LRRC9: variants seen among roughly 807,000 people sequenced by gnomAD.
LRRC9 encodes leucine-rich repeat-containing protein 9.
Under a neutral mutation model 63.2 loss-of-function variants are expected in LRRC9, and 122 were observed. The ratio of observed to expected loss-of-function variants is 1.93; its 90% CI spans 1.67 to 2.24. The LOEUF (loss-of-function observed/expected upper bound fraction) is 2.24. Ranked by LOEUF, LRRC9 falls within the 30% of genes most tolerant of loss-of-function variation. The pLI is 0.00. For synonymous variants in LRRC9, 366 were observed against 213.1 expected, an observed-to-expected ratio of 1.72 and a Z score of -6.25; for missense variants, 1,071 against 627.7, an observed-to-expected ratio of 1.71 and a Z score of -7.55.
At position 59,934,156 on chromosome 14, in the gene LRRC9, A is replaced by G. The variant is rs150915960; in HGVS notation, c.543+2117A>G. ...TAACAGAAAAAAAAAGAAAAAAAGA[A>G]GAGGAGGAGGAGGAAAGACGAGGAA... On this transcript the variant is annotated intron_variant, in intron 6 of 31. Transcript: ENST00000445360. Among the ~76,000 whole-genome samples the G allele has an allele frequency of 8.7e-4, 132 of 152,252 alleles. 1 individual carries two copies. Among genetic ancestry groups the G allele is most frequent in the African/African-American group, 3.1e-3 (127 of 41,554 alleles).
intron 7 of LRRC9, among the ~76,000 whole-genome samples, chr14:59,944,125 A>T (rs1815260280): frequency 6.6e-6 from 1 of 151,900 alleles, no homozygotes; most frequent in African/African-American, 2.4e-5. Flanking sequence ...ACATTCTTTT[A>T]TACATTTGAA....
rs538396556 is a variant in LRRC9 at position 60,038,322 on chromosome 14, T to C, written c.3990+6259T>C. ...GTGAAGAAAGTCGTTGGTAGCTTGA[T>C]GGGGATGGCATTGAATCTATAAATT... is the stretch of plus-strand genomic sequence containing the variant. On this transcript the variant is annotated intron_variant, in intron 29 of 31. Transcript: ENST00000445360. 2.6e-5 allele frequency among the ~76,000 whole-genome samples: 4 copies of C among 152,336 alleles called. No individual in the cohort carries two copies. The East Asian group carries it at 7.7e-4, about 29-fold the overall frequency.
intron 29 of LRRC9, among the ~76,000 whole-genome samples, chr14:60,049,257 T>C (rs971999464): frequency 6.6e-6 from 1 of 152,192 alleles, no homozygotes; most frequent in Non-Finnish European, 1.5e-5. Flanking sequence ...CATTTGCGTT[T>C]AAGGTTAGTA....
intron 27 of LRRC9, among the ~76,000 whole-genome samples, chr14:60,024,818 C>T (rs904481201): frequency 6.6e-6 from 1 of 151,484 alleles, no homozygotes; most frequent in Admixed American, 6.6e-5. Flanking sequence ...CAACCCTCAC[C>T]CCCCTCCCAT....
intron 31 of LRRC9, 61 bp from the exon 33 acceptor site, chr14:60,063,262 A>G (rs1894772518): frequency 4.4e-6 from 3 of 684,900 alleles, no homozygotes; most frequent in East Asian, 2.7e-5. Context: ...ACCTTAAGTT[A>G]GCTGATCCAT....
chr14:59,928,889 T>C (rs1027142723), intron 3 of LRRC9, among the ~76,000 whole-genome samples: 9 of 152,096 alleles, frequency 5.9e-5, no homozygotes, highest in African/African-American at 2.2e-4. Flanking sequence ...AGATTGAAAC[T>C]GTACCTCTTC....
At chr14:60,014,430 A>C (rs947860933) in intron 23 of LRRC9, among the ~76,000 whole-genome samples, 14 of 150,634 alleles carry the variant, frequency 9.3e-5, no homozygotes, top group African/African-American at 2.7e-4. Context: ...GTCATTTCTT[A>C]GGGTAGTTCT....
intron 8 of LRRC9, among the ~76,000 whole-genome samples, chr14:59,950,660 G>A (rs1188490969): frequency 1.7e-4 from 23 of 134,596 alleles, no homozygotes; most frequent in African/African-American, 6.2e-4. Flanking sequence ...CATGTTTAGC[G>A]CTTCCTTCAG....
chr14:59,936,221 G>T lies in LRRC9; in HGVS notation c.544-2169G>T, dbSNP rs1890125370. On this transcript the variant is annotated intron_variant, in intron 6 of 31. Coordinates refer to ENST00000445360, the Ensembl canonical transcript of LRRC9. This position sits in a 1 kb window ranked among gnomAD's most constrained non-coding sequence, Gnocchi z 4.2. Reference sequence around the variant, plus strand: ...CTTCATTTTAAAAATGATGATAGCAGGATTATTATAAAAATTCATTGTGTG... The same window carrying T: ...CTTCATTTTAAAAATGATGATAGCATGATTATTATAAAAATTCATTGTGTG... Among the ~76,000 whole-genome samples, 1 of 151,990 alleles carries T rather than the reference G, an allele frequency of 6.6e-6. No individual in the cohort carries two copies. The highest frequency in any genetic ancestry group is 1.5e-5 in the Non-Finnish European group (1 of 68,018).
chr14:59,935,309 ATATAAT>A (rs1024294691), intron 6 of LRRC9, among the ~76,000 whole-genome samples: 5 of 151,342 alleles, frequency 3.3e-5, no homozygotes, highest in Admixed American at 6.6e-5. Context: ...AAAAAAAAAG[ATATAAT>A]TGTAATTGAT....
intron 29 of LRRC9, among the ~76,000 whole-genome samples, chr14:60,034,567 T>TA (rs1222586438): frequency 6.6e-6 from 1 of 152,156 alleles, no homozygotes; most frequent in Non-Finnish European, 1.5e-5. Context: ...TCCACTTTTT[T>TA]AGCTCCCACA....
Position 60,031,966 on chromosome 14 carries a change from T to C in LRRC9, c.3922-29T>C. ...TTTTAAGATGTTGAGTCTAACCAAA[T>C]AATAACTTACTGATTAACTTTTGAA... On this transcript the variant is annotated intron_variant, in intron 28 of 31. Transcript: ENST00000445360. The surrounding 1 kb of genome is among the most constrained non-coding windows in gnomAD (Gnocchi z 4.6). The C allele has an allele frequency of 1.4e-6, 1 of 692,074 alleles. No individual in the cohort carries two copies. The highest frequency in any genetic ancestry group is 1.5e-5 in the South Asian group (1 of 64,848). The allele number at this position is 692,074 out of a possible 1,614,324, so 42.9% of individuals were successfully genotyped here.
At chr14:60,033,350 A>C (rs1892149628) in intron 29 of LRRC9, among the ~76,000 whole-genome samples, 1 of 152,136 alleles carries the variant, frequency 6.6e-6, no homozygotes, top group African/African-American at 2.4e-5. Context: ...ACAGTGTTGA[A>C]TTAGAAGTAC....
chr14:59,965,433 A>G (rs183806225), intron 10 of LRRC9, among the ~76,000 whole-genome samples: 2 of 152,306 alleles, frequency 1.3e-5, no homozygotes, highest in Non-Finnish European at 2.9e-5. Context: ...TAGAGCAGAC[A>G]ATGCCTCTTT....
chr14:59,976,279 A>G (rs1045351854), intron 13 of LRRC9, among the ~76,000 whole-genome samples: 2 of 152,244 alleles, frequency 1.3e-5, no homozygotes, highest in Admixed American at 1.3e-4. Context: ...ATACACCTGA[A>G]TCATCCTGAA....
intron 31 of LRRC9, among the ~76,000 whole-genome samples, 200 bp from the exon 32 acceptor site, chr14:60,061,811 G>T (rs1231919317): frequency 2.6e-5 from 4 of 152,078 alleles, no homozygotes; most frequent in African/African-American, 9.7e-5. Context: ...CTAGCTCACA[G>T]AAATTTAAGC....
At chr14:59,946,813 A>G (rs1417028478) in intron 8 of LRRC9, among the ~76,000 whole-genome samples, 1 of 143,930 alleles carries the variant, frequency 6.9e-6, no homozygotes, top group Non-Finnish European at 1.5e-5. Flanking sequence ...AATTTCATCC[A>G]TGTCCCTACA....
In LRRC9 at chr14:59,927,277, TAG is replaced by T. The variant is rs1167220439; in HGVS notation, c.-33-632_-33-631del. Among the ~76,000 whole-genome samples, 1 of 152,084 alleles carries T rather than the reference TAG, an allele frequency of 6.6e-6. No homozygotes were observed. Among genetic ancestry groups the T allele is most frequent in the Admixed American group, 6.5e-5 (1 of 15,272 alleles). On this transcript the variant is annotated intron_variant, in intron 1 of 31. Coordinates refer to ENST00000445360, the Ensembl canonical transcript of LRRC9. The surrounding 1 kb of genome is among the most constrained non-coding windows in gnomAD (Gnocchi z 4.4). Reference sequence around the variant, plus strand: ...TTAAAGGCAGGATTCTTATATTTTTTAGATAGTATGTATCTGGAATAATATAC... The same window carrying T: ...TTAAAGGCAGGATTCTTATATTTTTTATAGTATGTATCTGGAATAATATAC...
At chr14:59,945,201 T>C (rs1882230410) in intron 8 of LRRC9, among the ~76,000 whole-genome samples, 1 of 151,852 alleles carries the variant, frequency 6.6e-6, no homozygotes, top group African/African-American at 2.4e-5. Flanking sequence ...AAGTGGGAAC[T>C]TTAAATCAAG....
Sources: allele counts gnomAD v4.1 joint callset (sites outside exome capture counted in the v4.1 genomes callset), GRCh38; gene constraint gnomAD v4.1.1; non-coding constraint Gnocchi (gnomAD v3.1); transcripts MANE v1.5; gene names NCBI Gene and HGNC (gene_info 2026-07-23, HGNC 2026-07-21).